Variants in UNC13A observed in about 807,000 individuals in gnomAD.
UNC13A encodes protein unc-13 homolog A.
UNC13A carries 61 observed loss-of-function variants against 219.7 expected under a neutral mutation model. The observed-to-expected ratio is 0.28, with a 90% CI of 0.23 to 0.34. The LOEUF is 0.34. UNC13A is among the 10% of genes least tolerant of loss of function. The pLI is 1.00. For synonymous variants in UNC13A, 920 were observed against 884.6 expected, an observed-to-expected ratio of 1.04 and a Z score of -0.71; for missense variants, 1,476 against 2,270.3, an observed-to-expected ratio of 0.65 and a Z score of 7.11.
chr19:17,647,466 C>A lies in UNC13A; in HGVS notation c.1843G>T (p.Gly615Trp), dbSNP rs1299166414. ...ATGTTCTGTGTCCGGTCCTCCGCCC[C>A]GTGCTTGGAGCTCTTCTCCGCAGCC... ...QRAAEKSSKH[G>W]AEDRTQNIIM... The change falls in exon 17 of 44, where the codon GGG becomes TGG. Residue 615 changes from glycine (G) to tryptophan (W), a missense_variant. By Grantham distance (184) the Gly-to-Trp change is radical. This residue lies in a region of UNC13A where 85 missense variants were observed against 211.5 expected (regional missense o/e 0.40). Transcript: ENST00000519716. 6.2e-7 allele frequency: 1 copy of A among 1,613,054 alleles called. No homozygotes were observed. Among genetic ancestry groups the A allele is most frequent in the Non-Finnish European group, 8.5e-7 (1 of 1,179,752 alleles).
In UNC13A at chr19:17,611,971, TAGGG is replaced by T. The variant is rs1454926593; in HGVS notation, c.4559-120_4559-117del. 17 of 823,450 alleles carry T rather than the reference TAGGG, an allele frequency of 2.1e-5. No individual in the cohort carries two copies. In the East Asian group the frequency reaches 3.8e-4, roughly 19 times the overall value. 51.0% of individuals were successfully genotyped at this position (823,450 alleles called of 1,614,324 possible). On this transcript the variant is annotated intron_variant, in intron 41 of 43. Transcript: ENST00000519716. Reference sequence around the variant, plus strand: ...GGCGGCACCAGGTCATCAGCCCTGATAGGGAGGCACTGATGGGGGGCCAGGATGG... The same window carrying T: ...GGCGGCACCAGGTCATCAGCCCTGATAGGCACTGATGGGGGGCCAGGATGG...
At chr19:17,669,423 G>A in intron 5 of UNC13A, 130 bp downstream of exon 5, 1 of 1,311,718 alleles carries the variant, frequency 7.6e-7, no homozygotes, top group Non-Finnish European at 1.0e-6. Flanking sequence ...CTCCTCCGGG[G>A]CGAAGGACCC....
At position 17,674,617 on chromosome 19, in the gene UNC13A, A is replaced by G. The variant is rs1457852278; in HGVS notation, c.152+40T>C. 1.3e-6 allele frequency: 2 copies of G among 1,585,386 alleles called. No individual in the cohort carries two copies. Among genetic ancestry groups the G allele is most frequent in the Non-Finnish European group, 1.7e-6 (2 of 1,155,526 alleles). On this transcript the variant is annotated intron_variant, in intron 3 of 43. Transcript: ENST00000519716. This position sits in a 1 kb window ranked among gnomAD's most constrained non-coding sequence, Gnocchi z 5.0. ...TGAGGGGCCAGCGAGGTGCTGGGCT[A>G]TGCCAGGGAGTGAGGTCATGCCAGA...
At chr19:17,607,471 G>GC (rs34351813) in intron 43 of UNC13A, among the ~76,000 whole-genome samples, 1 of 132,162 alleles carries the variant, frequency 7.6e-6, no homozygotes, top group Non-Finnish European at 1.6e-5. Flanking sequence ...GGGGGGGGGG[G>GC]TCTCACCATG....
intron 43 of UNC13A, 41 bp downstream of exon 43, chr19:17,609,899 C>T: frequency 6.2e-7 from 1 of 1,607,194 alleles, no homozygotes; most frequent in Non-Finnish European, 8.5e-7. Flanking sequence ...GCGGATGCCC[C>T]CTCCCTTGCC....
chr19:17,644,690 C>T (rs148964984), intron 19 of UNC13A, among the ~76,000 whole-genome samples: 92 of 151,224 alleles, frequency 6.1e-4, no homozygotes, highest in Admixed American at 1.8e-3. Flanking sequence ...AGACACTGCA[C>T]CCGGCCATAT....
chr19:17,687,902 C>CT (rs1821047279), intron 1 of UNC13A, among the ~76,000 whole-genome samples: 1 of 151,988 alleles, frequency 6.6e-6, no homozygotes, highest in African/African-American at 2.4e-5. Context: ...CGGGTAGAAC[C>CT]CCGGATACCC....
Position 17,606,181 on chromosome 19 carries a change from T to TC in UNC13A, c.4984dup (p.Asp1662GlyfsTer125). 6.4e-7 allele frequency: 1 copy of TC among 1,566,142 alleles called. No individual in the cohort carries two copies. The highest frequency in any genetic ancestry group is 8.6e-7 in the Non-Finnish European group (1 of 1,157,448). ...TCGCAGCACCGTGAGGCCCGTGTCG[T>TC]CCATGTGGATGCGGCGGCCGAGCGG... On this transcript the variant is annotated frameshift_variant, in exon 44 of 44. Coordinates refer to ENST00000519716, the MANE Select transcript of UNC13A (RefSeq NM_001080421.3). LOFTEE classifies it high-confidence loss of function.
chr19:17,647,432 A>G lies in UNC13A; in HGVS notation c.1877T>C (p.Val626Ala). 1 of 1,613,686 alleles carries G rather than the reference A, an allele frequency of 6.2e-7. No individual in the cohort carries two copies. Among genetic ancestry groups the G allele is most frequent in the African/African-American group, 1.3e-5 (1 of 75,000 alleles). Residue 626 changes from valine (V) to alanine (A), a missense_variant, in exon 17 of 44, where the codon GTG becomes GCG. Coordinates refer to ENST00000519716, the MANE Select transcript of UNC13A (RefSeq NM_001080421.3). ...AEDRTQNIIM[V>A]LKDRMKIRER... ...CCGGATCTTCATGCGGTCCTTGAGC[A>G]CCATGATGATGTTCTGTGTCCGGTC... is the stretch of plus-strand genomic sequence containing the variant.
chr19:17,619,507 C>T (rs2076705569), intron 38 of UNC13A, among the ~76,000 whole-genome samples: 1 of 150,932 alleles, frequency 6.6e-6, no homozygotes, highest in African/African-American at 2.4e-5. Context: ...ATGATCATAG[C>T]TCATTGCAGC....
intron 8 of UNC13A, among the ~76,000 whole-genome samples, chr19:17,658,626 G>A (rs990460868): frequency 6.6e-6 from 1 of 152,152 alleles, no homozygotes; most frequent in South Asian, 2.1e-4. Context: ...CCACTGAGCA[G>A]TTAGTTTCCC....
At chr19:17,619,164 TC>T (rs3214455) in intron 38 of UNC13A, 177,780 of 576,114 alleles carry the variant, frequency 0.31, 30,422 homozygotes, top group Non-Finnish European at 0.36. Context: ...GTGAGGATAG[TC>T]CCCCACCCTC....
intron 28 of UNC13A, 37 bp downstream of exon 28, chr19:17,632,745 G>T (rs1182255778): frequency 6.2e-7 from 1 of 1,613,102 alleles, no homozygotes; most frequent in Non-Finnish European, 8.5e-7. Context: ...CAGTGCTACA[G>T]TTCTGGCTTG....
At chr19:17,672,318 G>T in intron 4 of UNC13A, 60 bp downstream of exon 4, 1 of 1,355,418 alleles carries the variant, frequency 7.4e-7, no homozygotes, top group Non-Finnish European at 1.0e-6. Context: ...TTAGTCCACT[G>T]GTCTCTGGGC....
intron 1 of UNC13A, among the ~76,000 whole-genome samples, chr19:17,687,964 A>G: frequency 7.0e-6 from 1 of 143,840 alleles, no homozygotes; most frequent in East Asian, 2.1e-4. Flanking sequence ...CGACCCCTCC[A>G]GCAGCGGCCA....
intron 1 of UNC13A, among the ~76,000 whole-genome samples, chr19:17,681,415 G>A (rs2080016092): frequency 1.3e-5 from 2 of 152,106 alleles, no homozygotes; most frequent in South Asian, 4.1e-4. Context: ...TGTTGGTGGA[G>A]GGCATTTCAG....
chr19:17,682,283 C>T (rs1177294079), intron 1 of UNC13A, among the ~76,000 whole-genome samples: 2 of 152,058 alleles, frequency 1.3e-5, no homozygotes, highest in Admixed American at 6.5e-5. Context: ...CTTTTGCTCA[C>T]GATTATTGGG....
At chr19:17,637,352 C>T (rs2076922989) in intron 25 of UNC13A, among the ~76,000 whole-genome samples, 1 of 150,218 alleles carries the variant, frequency 6.7e-6, no homozygotes, top group African/African-American at 2.5e-5. Flanking sequence ...GGCCGGAGTG[C>T]AGTGATGCGA....
chr19:17,620,646 G>C lies in UNC13A; in HGVS notation c.4272+47C>G, dbSNP rs749704292. 5.4e-5 allele frequency: 86 copies of C among 1,582,800 alleles called. 1 individual carries two copies. Among genetic ancestry groups the C allele is most frequent in the East Asian group, 2.3e-5 (1 of 43,814 alleles). On this transcript the variant is annotated intron_variant, in intron 38 of 43. Coordinates refer to ENST00000519716, the MANE Select transcript of UNC13A (RefSeq NM_001080421.3). The stretch of plus-strand genomic sequence containing the variant: ...GGAAGGGGGCACAGGGGTGGGGTGG[G>C]GGGGAGTGGGATGGGAGCCAGACAG...
Sources: gnomAD v4.1 joint callset for allele counts (sites outside exome capture counted in the v4.1 genomes callset) on GRCh38, gnomAD v4.1.1 for gene constraint, gnomAD v4.1.1 regional missense constraint, Gnocchi (gnomAD v3.1) non-coding constraint, MANE v1.5 for transcripts, NCBI Gene and HGNC (gene_info 2026-07-23, HGNC 2026-07-21) for gene names.